ZNF589: variants seen among roughly 807,000 people sequenced by gnomAD.
ZNF589 encodes zinc finger protein 589, also known as KRAB-zinc finger protein SZF1-1.
A neutral mutation model predicts 13.6 loss-of-function variants in ZNF589; 17 were observed. The observed-to-expected ratio is 1.25, with a 90% confidence interval of 0.86 to 1.88. The LOEUF (loss-of-function observed/expected upper bound fraction) is 1.88. ZNF589 is among the 40% of genes most tolerant of loss of function. The probability of loss-of-function intolerance (pLI) is 0.00; values close to 1 mark genes in which losing one functional copy is unlikely to be tolerated. For synonymous variants in ZNF589, 148 were observed against 161.6 expected, an observed-to-expected ratio of 0.92 and a Z score of 0.64; for missense variants, 407 against 434.0, an observed-to-expected ratio of 0.94 and a Z score of 0.55.
At chr3:48,248,614 G>C (rs1384989090) in intron 2 of ZNF589, among the ~76,000 whole-genome samples, 1 of 152,146 alleles carries the variant, frequency 6.6e-6, no homozygotes, top group Non-Finnish European at 1.5e-5. Flanking sequence ...GACTGTGTGA[G>C]ATTCTGGGAG....
chr3:48,266,595 C>G (rs1432652792), intron 3 of ZNF589, among the ~76,000 whole-genome samples: 4 of 152,212 alleles, frequency 2.6e-5, no homozygotes, highest in African/African-American at 7.2e-5. Context: ...GGAGGCCAAC[C>G]AAGGCGGGCA....
chr3:48,253,498 CTTTTT>C (rs59231973), intron 2 of ZNF589, among the ~76,000 whole-genome samples: 3 of 95,320 alleles, frequency 3.1e-5, no homozygotes, highest in Admixed American at 1.2e-4. Flanking sequence ...TCATATTTTT[CTTTTT>C]TTTTTTTTTT....
Position 48,265,115 on chromosome 3 carries a change from G to C in ZNF589, c.224-2800G>C, listed in dbSNP as rs1460899149. Among the ~76,000 whole-genome samples the C allele has an allele frequency of 2.0e-5, 3 of 151,308 alleles. No individual in the cohort carries two copies. In the East Asian group the frequency reaches 5.9e-4, roughly 30 times the overall value. ...GCCTCCCGAGTAGCTGGGATTACAG[G>C]CACCCGCCACCATGCCCTGCTAATT... On this transcript the variant is annotated intron_variant, in intron 3 of 3. Transcript: ENST00000354698.
rs1215597469 is a variant in ZNF589 at position 48,253,539 on chromosome 3, G to A, written c.96+5862G>A. 3.2e-5 allele frequency among the ~76,000 whole-genome samples: 4 copies of A among 124,402 alleles called. 1 individual carries two copies. The highest frequency in any genetic ancestry group is 9.4e-5 in the Admixed American group (1 of 10,618). 81.6% of individuals were successfully genotyped at this position (124,402 alleles called of 152,430 possible). A position where few individuals can be genotyped will look rare whatever the true frequency, so the allele number is the denominator to read the frequency against. ...TTTTGAGACGGAGTCTCGCTCTGTC[G>A]CCCAGGCTGGAGTGCAGTGGCACCA... On this transcript the variant is annotated intron_variant, in intron 2 of 3. Transcript: ENST00000354698.
intron 3 of ZNF589, 129 bp downstream of exon 3, chr3:48,261,068 G>A: frequency 9.5e-7 from 1 of 1,048,124 alleles, no homozygotes; most frequent in Non-Finnish European, 1.4e-6. Context: ...CTTCTCTCGT[G>A]GAGCTTATAT....
chr3:48,255,149 G>T (rs2033884125), intron 2 of ZNF589, among the ~76,000 whole-genome samples: 1 of 149,906 alleles, frequency 6.7e-6, no homozygotes, highest in Non-Finnish European at 1.5e-5. Flanking sequence ...AAGTTCTGCT[G>T]TATTTCTAGT....
intron 2 of ZNF589, 130 bp from the exon 3 acceptor site, chr3:48,260,683 G>A (rs2033961144): frequency 1.1e-5 from 14 of 1,288,320 alleles, no homozygotes; most frequent in Non-Finnish European, 1.3e-5. Context: ...TGCTAGGATT[G>A]CAGGTGTGAG....
At chr3:48,257,849 T>C (rs969666844) in intron 2 of ZNF589, 2 of 373,862 alleles carry the variant, frequency 5.3e-6, no homozygotes, top group Admixed American at 4.1e-5. Context: ...TTTACAAAAA[T>C]CCACTTTGGG....
intron 3 of ZNF589, 89 bp from the exon 4 acceptor site, chr3:48,267,826 G>C: frequency 7.6e-7 from 1 of 1,319,370 alleles, no homozygotes; most frequent in Non-Finnish European, 1.0e-6. Flanking sequence ...TAATCATTGA[G>C]AATGATTAAT....
intron 2 of ZNF589, among the ~76,000 whole-genome samples, chr3:48,249,974 A>C: frequency 6.6e-6 from 1 of 152,134 alleles, no homozygotes; most frequent in Middle Eastern, 3.2e-3. Flanking sequence ...CTAAAAATAC[A>C]AAAATTAGCT....
At position 48,269,611 on chromosome 3, in the gene ZNF589, T is replaced by G; in HGVS notation, c.*825T>G. 1 of 341,588 alleles carries G rather than the reference T, an allele frequency of 2.9e-6. No individual in the cohort carries two copies. Among genetic ancestry groups the G allele is most frequent in the South Asian group, 2.5e-5 (1 of 39,486 alleles). 21.2% of individuals were successfully genotyped at this position (341,588 alleles called of 1,614,324 possible). Reference sequence around the variant, plus strand: ...GGATACACTCGGGGGAGAAGCCTTATGCATGCGTGGAGTGTGGGCAAAGCT... The same window carrying G: ...GGATACACTCGGGGGAGAAGCCTTAGGCATGCGTGGAGTGTGGGCAAAGCT... On this transcript the variant is annotated 3_prime_UTR_variant, in exon 4 of 4. Coordinates refer to ENST00000354698, the MANE Select transcript of ZNF589 (RefSeq NM_016089.3).
In ZNF589 at chr3:48,268,978, G is replaced by A. The variant is rs1163910844; in HGVS notation, c.*192G>A. On this transcript the variant is annotated 3_prime_UTR_variant, in exon 4 of 4. Transcript: ENST00000354698. Reference sequence around the variant, plus strand: ...GTGGGCATGGATTTAGCCAGAAGTCGTCGCTCAAATCACATCGGAGAACAC... The same window carrying A: ...GTGGGCATGGATTTAGCCAGAAGTCATCGCTCAAATCACATCGGAGAACAC... The A allele has an allele frequency of 2.1e-5, 18 of 858,300 alleles. No individual in the cohort carries two copies. Among genetic ancestry groups the A allele is most frequent in the South Asian group, 3.4e-5 (2 of 59,158 alleles). The allele number at this position is 858,300 out of a possible 1,614,324, so 53.2% of individuals were successfully genotyped here. A position where few individuals can be genotyped will look rare whatever the true frequency, so the allele number is the denominator to read the frequency against.
At chr3:48,241,531 A>G (rs1173170272) in intron 1 of ZNF589, among the ~76,000 whole-genome samples, 1 of 152,154 alleles carries the variant, frequency 6.6e-6, no homozygotes, top group Non-Finnish European at 1.5e-5. Context: ...GTATTATTAT[A>G]TTATATCATA....
At chr3:48,252,284 T>G (rs2033846690) in intron 2 of ZNF589, among the ~76,000 whole-genome samples, 1 of 151,766 alleles carries the variant, frequency 6.6e-6, no homozygotes, top group Non-Finnish European at 1.5e-5. Context: ...CTCCACCTCC[T>G]GGGTTCAAGC....
At chr3:48,259,454 A>G (rs1040868509) in intron 2 of ZNF589, among the ~76,000 whole-genome samples, 2 of 152,154 alleles carry the variant, frequency 1.3e-5, no homozygotes, top group Non-Finnish European at 2.9e-5. Flanking sequence ...TTGATTTGCT[A>G]GAAGCTTAAT....
chr3:48,258,021 TATC>T (rs968604813), intron 2 of ZNF589: 1 of 408,176 alleles, frequency 2.4e-6, no homozygotes, highest in African/African-American at 2.1e-5. Context: ...TTCTTTGCCT[TATC>T]ATATATATTA....
chr3:48,268,457 G>C lies in ZNF589; in HGVS notation c.766G>C (p.Gly256Arg). Residue 256 changes from glycine (G) to arginine (R), a missense_variant, in exon 4 of 4, where the codon GGC (glycine) becomes CGC (arginine). Transcript: ENST00000354698. ...ACAGGTGTGCAGGGAGTGTGGGCGA[G>C]GCTTTAGCAGGAAGTCACAGCTCAT... ...QSQVCRECGR[G>R]FSRKSQLIIH... The C allele has an allele frequency of 6.2e-7, 1 of 1,614,186 alleles. No homozygotes were observed.
intron 2 of ZNF589, among the ~76,000 whole-genome samples, chr3:48,252,280 C>G (rs1264288473): frequency 1.3e-5 from 2 of 151,852 alleles, no homozygotes; most frequent in Admixed American, 1.3e-4. Flanking sequence ...CAACCTCCAC[C>G]TCCTGGGTTC....
rs1559984224 is a variant in ZNF589 at position 48,268,817 on chromosome 3, A to C, written c.*31A>C. 1.3e-6 allele frequency: 2 copies of C among 1,590,006 alleles called. No homozygotes were observed. The highest frequency in any genetic ancestry group is 1.7e-6 in the Non-Finnish European group (2 of 1,168,166). On this transcript the variant is annotated 3_prime_UTR_variant, in exon 4 of 4. Transcript: ENST00000354698. ...AGGCTTTGTAAGGAGATCATGTCTC[A>C]ACACACACCAGAGGATACATTCAGA...
Sources: allele counts gnomAD v4.1 joint callset (sites outside exome capture counted in the v4.1 genomes callset), GRCh38; gene constraint gnomAD v4.1.1; transcripts MANE v1.5; gene names NCBI Gene and HGNC (gene_info 2026-07-23, HGNC 2026-07-21).